The following IMPG1 variants were observed in gnomAD, a reference collection of about 807,000 sequenced individuals.
IMPG1 encodes the protein interphotoreceptor matrix proteoglycan of 150 kDa.
Under a neutral mutation model 92.0 loss-of-function variants are expected in IMPG1, and 85 were observed. That is an observed-to-expected ratio of 0.92 (90% CI 0.78 to 1.11). The LOEUF (loss-of-function observed/expected upper bound fraction) is 1.11. Ranked by LOEUF, IMPG1 falls within the 50% of genes least tolerant of loss-of-function variation. IMPG1 has a pLI of 0.00. For synonymous variants in IMPG1, 367 were observed against 334.1 expected (o/e 1.10, Z -1.08); for missense variants, 1,022 against 956.0 (o/e 1.07, Z -0.91).
Position 75,950,710 on chromosome 6 carries a change from A to G in IMPG1, c.1676T>C (p.Ile559Thr). The G allele has an allele frequency of 6.2e-7, 1 of 1,613,988 alleles. No homozygotes were observed. The highest frequency in any genetic ancestry group is 8.5e-7 in the Non-Finnish European group (1 of 1,179,922). ...DTTPVSALQY[I>T]TTSSMTIAPK... ...GGCAATGGTCATAGAACTAGTGGTG[A>G]TATACTGTAAAGCTGAGACAGGAGT... is the stretch of plus-strand genomic sequence containing the variant. Residue 559 changes from isoleucine (I) to threonine (T), a missense_variant, in exon 13 of 17, where the codon ATC becomes ACC. Coordinates refer to ENST00000369950, the MANE Select transcript of IMPG1 (RefSeq NM_001563.4).
chr6:75,986,109 G>T (rs1336268863), intron 12 of IMPG1, among the ~76,000 whole-genome samples: 1 of 152,044 alleles, frequency 6.6e-6, no homozygotes, highest in Non-Finnish European at 1.5e-5. Context: ...GATGAACCAT[G>T]TACCATGGGT....
rs567204832 is a variant in IMPG1 at position 75,946,231 on chromosome 6, G to A, written c.2044+1083C>T. Among the ~76,000 whole-genome samples, 5 of 152,260 alleles carry A rather than the reference G, an allele frequency of 3.3e-5. No individual in the cohort carries two copies. In the South Asian group the frequency reaches 8.3e-4, roughly 25 times the overall value. ...GCTCCCAGGCTCAATGCCTACAGGC[G>A]GTCTGTCTTTTTAAGGATCCTGTTT... On this transcript the variant is annotated intron_variant, in intron 14 of 16. Transcript: ENST00000369950.
chr6:75,972,257 C>G (rs1307993397), intron 12 of IMPG1, among the ~76,000 whole-genome samples: 1 of 152,264 alleles, frequency 6.6e-6, no homozygotes, highest in Non-Finnish European at 1.5e-5. Context: ...TGCCCAGCCC[C>G]GTTCCCTCCC....
intron 6 of IMPG1, 107 bp downstream of exon 6, chr6:76,022,009 C>T (rs962334965): frequency 1.7e-6 from 1 of 583,580 alleles, no homozygotes. Context: ...CACAAAAATA[C>T]AGCACTAATA....
chr6:76,025,136 T>C (rs1783501151), intron 5 of IMPG1, 58 bp downstream of exon 5: 3 of 937,434 alleles, frequency 3.2e-6, no homozygotes, highest in South Asian at 2.8e-5. Flanking sequence ...ATAAATAACA[T>C]GCTATCATGA....
At chr6:76,010,064 T>A (rs551503556) in intron 8 of IMPG1, among the ~76,000 whole-genome samples, 2 of 152,372 alleles carry the variant, frequency 1.3e-5, no homozygotes, top group South Asian at 4.1e-4. Flanking sequence ...ATTAAGGGTT[T>A]CATCTTTTAT....
chr6:75,984,377 CA>C (rs1782680566), intron 12 of IMPG1, among the ~76,000 whole-genome samples: 2 of 152,090 alleles, frequency 1.3e-5, no homozygotes. Context: ...AAAAGCTATT[CA>C]GTCTTAAAAA....
At chr6:76,018,697 G>T in intron 7 of IMPG1, 21 bp downstream of exon 7, 4 of 1,608,764 alleles carry the variant, frequency 2.5e-6, no homozygotes, top group Non-Finnish European at 3.4e-6. Context: ...AGGTGTGGTT[G>T]TATGGGCCGG....
At chr6:75,984,502 G>A (rs182069421) in intron 12 of IMPG1, among the ~76,000 whole-genome samples, 1 of 152,328 alleles carries the variant, frequency 6.6e-6, no homozygotes, top group Non-Finnish European at 1.5e-5. Context: ...TACACTGTAT[G>A]AGGAATTTTT....
At chr6:75,954,759 AGTCTTTAATCCATCGT>A (rs1240433477) in intron 12 of IMPG1, among the ~76,000 whole-genome samples, 1 of 152,184 alleles carries the variant, frequency 6.6e-6, no homozygotes, top group Non-Finnish European at 1.5e-5. Context: ...CTTACATTTA[AGTCTTTAATCCATCGT>A]GAGTTAATTT....
At chr6:76,044,920 G>A (rs1296584084) in intron 1 of IMPG1, among the ~76,000 whole-genome samples, 1 of 152,148 alleles carries the variant, frequency 6.6e-6, no homozygotes, top group Admixed American at 6.5e-5. Flanking sequence ...CGGGGTAGGT[G>A]CAGAAGCAGG....
intron 12 of IMPG1, among the ~76,000 whole-genome samples, chr6:75,995,727 A>G (rs1331311171): frequency 6.6e-6 from 1 of 152,210 alleles, no homozygotes; most frequent in African/African-American, 2.4e-5. Context: ...ATTGGCTGTT[A>G]AGCATTTACT....
chr6:76,034,313 G>T lies in IMPG1; in HGVS notation c.497+2C>A. On this transcript the variant is annotated splice_donor_variant, in intron 4 of 16. Transcript: ENST00000369950. LOFTEE classifies it high-confidence loss of function. The stretch of plus-strand genomic sequence containing the variant: ...CACACACACTCTATTTTGGGTACTT[G>T]CCTGTCAGGGAAACTTCTCTGTTTT... The T allele has an allele frequency of 6.2e-7, 1 of 1,612,738 alleles. No homozygotes were observed. Among genetic ancestry groups the T allele is most frequent in the Non-Finnish European group, 8.5e-7 (1 of 1,178,840 alleles).
At chr6:76,040,038 C>T (rs141035855) in intron 2 of IMPG1, among the ~76,000 whole-genome samples, 52 of 152,216 alleles carry the variant, frequency 3.4e-4, no homozygotes, top group African/African-American at 9.9e-4. Flanking sequence ...AGAGGAAAAC[C>T]GCTTTGTAGC....
chr6:75,974,625 C>T (rs1297346686), intron 12 of IMPG1, among the ~76,000 whole-genome samples: 1 of 151,528 alleles, frequency 6.6e-6, no homozygotes, highest in East Asian at 1.9e-4. Flanking sequence ...TGCAACCATG[C>T]CTGGCTAATT....
intron 7 of IMPG1, among the ~76,000 whole-genome samples, chr6:76,015,800 C>CAAA (rs35389302): frequency 3.7e-3 from 248 of 66,366 alleles, no homozygotes; most frequent in Non-Finnish European, 4.8e-3. Flanking sequence ...AACTCTGTCT[C>CAAA]AAAAAAAAAA....
intron 7 of IMPG1, among the ~76,000 whole-genome samples, chr6:76,015,620 G>A (rs1783271770): frequency 6.6e-6 from 1 of 151,820 alleles, no homozygotes; most frequent in African/African-American, 2.4e-5. Context: ...GATCAACACG[G>A]TGAACTCCTG....
chr6:76,056,819 T>A (rs1784128153), intron 1 of IMPG1, among the ~76,000 whole-genome samples: 1 of 152,178 alleles, frequency 6.6e-6, no homozygotes, highest in African/African-American at 2.4e-5. Context: ...ATGTCTTATT[T>A]GGAAAATTAA....
intron 1 of IMPG1, among the ~76,000 whole-genome samples, chr6:76,069,125 G>C (rs544304593): frequency 6.6e-6 from 1 of 152,102 alleles, no homozygotes; most frequent in Admixed American, 6.6e-5. Context: ...ACTGGGGAAA[G>C]AAGACACTAT....
Sources: allele counts gnomAD v4.1 joint callset (sites outside exome capture counted in the v4.1 genomes callset), GRCh38; gene constraint gnomAD v4.1.1; transcripts MANE v1.5; gene names NCBI Gene and HGNC (gene_info 2026-07-23, HGNC 2026-07-21).